Variants in ASTN2 observed in about 807,000 individuals in gnomAD.
ASTN2 encodes the protein astrotactin-2.
ASTN2 carries 54 observed loss-of-function variants against 139.8 expected under a neutral mutation model. The ratio of observed to expected loss-of-function variants is 0.39; its 90% CI spans 0.31 to 0.48. The LOEUF (loss-of-function observed/expected upper bound fraction) is 0.48. Among genes scored for constraint, ASTN2 ranks in the 20% least tolerant of loss-of-function variants. The probability of loss-of-function intolerance (pLI) is 0.95; values close to 1 mark genes in which losing one functional copy is unlikely to be tolerated. For synonymous variants in ASTN2, 756 were observed against 719.5 expected (o/e 1.05, Z -0.81); for missense variants, 1,565 against 1,725.1 (o/e 0.91, Z 1.64).
intron 10 of ASTN2, among the ~76,000 whole-genome samples, chr9:116,972,098 A>C (rs1836224359): frequency 6.6e-6 from 1 of 152,234 alleles, no homozygotes; most frequent in Non-Finnish European, 1.5e-5. Flanking sequence ...CATTATCAGC[A>C]TCACATAAGC....
At chr9:116,935,167 C>T (rs995661149) in intron 10 of ASTN2, among the ~76,000 whole-genome samples, 1 of 152,198 alleles carries the variant, frequency 6.6e-6, no homozygotes, top group African/African-American at 2.4e-5. Flanking sequence ...CTAGGTCTCA[C>T]ATTTTAAATG....
chr9:116,636,597 G>A (rs146169314), intron 17 of ASTN2, among the ~76,000 whole-genome samples: 62 of 152,096 alleles, frequency 4.1e-4, no homozygotes, highest in African/African-American at 1.3e-3. Context: ...CAGGAAAATC[G>A]TTTGAACCCG....
intron 7 of ASTN2, among the ~76,000 whole-genome samples, chr9:116,993,513 C>T (rs933240351): frequency 6.6e-6 from 1 of 151,382 alleles, no homozygotes; most frequent in African/African-American, 2.4e-5. Flanking sequence ...CACTTTATCA[C>T]GTTATTCACT....
chr9:116,454,262 G>C (rs543323769), intron 20 of ASTN2, among the ~76,000 whole-genome samples: 1 of 152,076 alleles, frequency 6.6e-6, no homozygotes, highest in Non-Finnish European at 1.5e-5. Context: ...CTATAAAAAA[G>C]ACTATACCCT....
chr9:117,394,314 T>C (rs1443003456), intron 1 of ASTN2, among the ~76,000 whole-genome samples: 4 of 152,044 alleles, frequency 2.6e-5, no homozygotes, highest in Admixed American at 2.0e-4. Context: ...TAGCCAAGAG[T>C]CACATGTGGC....
chr9:116,511,803 A>C lies in ASTN2; in HGVS notation c.3356-24303T>G, dbSNP rs142429903. On this transcript the variant is annotated intron_variant, in intron 19 of 22. Coordinates refer to ENST00000313400, the MANE Select transcript of ASTN2 (RefSeq NM_001365068.1). ...AGTTTATTTGCGTAGAGGTGTTTATAGTATTCTCTGACGGTAGTATGTATC... is the reference window on the plus strand; with the variant it reads ...AGTTTATTTGCGTAGAGGTGTTTATCGTATTCTCTGACGGTAGTATGTATC... Among the ~76,000 whole-genome samples, 89 of 152,144 alleles carry C rather than the reference A, an allele frequency of 5.8e-4. 1 individual carries two copies. In the East Asian group the frequency reaches 0.017, roughly 29 times the overall value.
At chr9:117,029,882 A>G (rs1838198068) in intron 6 of ASTN2, among the ~76,000 whole-genome samples, 2 of 152,106 alleles carry the variant, frequency 1.3e-5, no homozygotes, top group Non-Finnish European at 2.9e-5. Flanking sequence ...TTCTTTATAC[A>G]TATTAAAGCT....
intron 10 of ASTN2, among the ~76,000 whole-genome samples, chr9:116,902,566 G>A (rs1428335836): frequency 6.6e-6 from 1 of 151,802 alleles, no homozygotes; most frequent in East Asian, 1.9e-4. Flanking sequence ...CCAGGAGGCT[G>A]TGTCACATAA....
At position 116,472,763 on chromosome 9, in the gene ASTN2, A is replaced by AAAT. The variant is rs1554767963; in HGVS notation, c.3497+14595_3497+14596insATT. Among the ~76,000 whole-genome samples, 25 of 150,408 alleles carry AAAT rather than the reference A, an allele frequency of 1.7e-4. No homozygotes were observed. In the South Asian group the frequency reaches 4.9e-3, roughly 30 times the overall value. On this transcript the variant is annotated intron_variant, in intron 20 of 22. Transcript: ENST00000313400. ...TACTAAAAATACAAAAAAAAAAAAA[A>AAAT]TAGCCATGTTGGTGGTGGCGGCGGC...
At chr9:117,323,095 G>T (rs1455423644) in intron 1 of ASTN2, among the ~76,000 whole-genome samples, 3 of 152,034 alleles carry the variant, frequency 2.0e-5, no homozygotes, top group Non-Finnish European at 4.4e-5. Context: ...TGACAGTCCT[G>T]GGGTCTGAAG....
At chr9:117,300,385 T>A (rs905697290) in intron 1 of ASTN2, among the ~76,000 whole-genome samples, 1 of 152,224 alleles carries the variant, frequency 6.6e-6, no homozygotes, top group African/African-American at 2.4e-5. Flanking sequence ...TTATTTAGCA[T>A]GCTGCAGGTG....
chr9:116,563,191 C>T (rs1203999390), intron 19 of ASTN2, among the ~76,000 whole-genome samples: 10 of 151,746 alleles, frequency 6.6e-5, no homozygotes, highest in African/African-American at 2.2e-4. Flanking sequence ...CTGGCTAACA[C>T]GGTGAAACCC....
In ASTN2 at chr9:116,699,367, A is replaced by G; in HGVS notation, c.2806+26404T>C. On this transcript the variant is annotated intron_variant, in intron 16 of 22. Coordinates refer to ENST00000313400, the MANE Select transcript of ASTN2 (RefSeq NM_001365068.1). This position sits in a 1 kb window ranked among gnomAD's most constrained non-coding sequence, Gnocchi z 4.2. ...GGCCTCAATCTGGAGAATCGGCAGA[A>G]TGAGCACCACCTGGAGGGTGGCTTT... 6.2e-7 allele frequency: 1 copy of G among 1,614,190 alleles called. No homozygotes were observed. The highest frequency in any genetic ancestry group is 8.5e-7 in the Non-Finnish European group (1 of 1,180,028).
intron 10 of ASTN2, among the ~76,000 whole-genome samples, chr9:116,951,119 C>A (rs893267057): frequency 1.3e-5 from 2 of 151,972 alleles, no homozygotes; most frequent in Non-Finnish European, 2.9e-5. Context: ...GGGTGGATCA[C>A]CTGAGGTCTG....
intron 11 of ASTN2, among the ~76,000 whole-genome samples, chr9:116,838,569 G>A (rs12235404): frequency 0.068 from 10,109 of 148,854 alleles, 481 homozygotes; most frequent in East Asian, 0.22. Context: ...AATTACAGGC[G>A]TGTGCTACCA....
intron 10 of ASTN2, among the ~76,000 whole-genome samples, chr9:116,941,302 C>T (rs1835221545): frequency 2.6e-5 from 4 of 151,468 alleles, no homozygotes; most frequent in Admixed American, 2.6e-4. Flanking sequence ...GTGATTCTGG[C>T]CTGACTTTTT....
chr9:117,055,652 G>C (rs377630448), intron 5 of ASTN2, among the ~76,000 whole-genome samples: 22 of 152,172 alleles, frequency 1.4e-4, no homozygotes, highest in African/African-American at 5.3e-4. Flanking sequence ...GCTAGAATTA[G>C]AGAACATGAA....
rs188603821 is a variant in ASTN2, at chr9:116,987,933, G to C, written c.1592-11148C>G. ...TATACAGCGTGGATACTATGGACAA[G>C]GGAATGATTCATATCCTGGTGGCAT... On this transcript the variant is annotated intron_variant, in intron 7 of 22. Coordinates refer to ENST00000313400, the MANE Select transcript of ASTN2 (RefSeq NM_001365068.1). Among the ~76,000 whole-genome samples the C allele has an allele frequency of 8.7e-4, 133 of 152,296 alleles. 1 individual carries two copies. Among genetic ancestry groups the C allele is most frequent in the African/African-American group, 3.2e-3 (132 of 41,574 alleles).
At chr9:117,340,331 C>CAAAAAA (rs56228779) in intron 1 of ASTN2, among the ~76,000 whole-genome samples, 3 of 40,210 alleles carry the variant, frequency 7.5e-5, no homozygotes, top group Non-Finnish European at 1.2e-4. Context: ...GACTCAGTCT[C>CAAAAAA]AAAAAAAAAA....
Sources: gnomAD v4.1 joint callset for allele counts (sites outside exome capture counted in the v4.1 genomes callset) on GRCh38, gnomAD v4.1.1 for gene constraint, Gnocchi (gnomAD v3.1) non-coding constraint, MANE v1.5 for transcripts, NCBI Gene and HGNC (gene_info 2026-07-23, HGNC 2026-07-21) for gene names.